The following DCDC1 variants were observed in gnomAD, a reference collection of about 807,000 sequenced individuals.
The protein encoded by DCDC1 is doublecortin domain-containing protein 1.
In DCDC1, 200 loss-of-function variants were observed where a neutral mutation model predicts 178.3. That is an observed-to-expected ratio of 1.12 (90% confidence interval 1.00 to 1.26). DCDC1 has a LOEUF of 1.26. DCDC1 is among the 50% of genes most tolerant of loss of function. DCDC1 has a pLI of 0.00. For missense variants in DCDC1, 1,983 were observed against 1,749.2 expected (o/e 1.13, Z -2.38); for synonymous variants, 690 against 604.8 (o/e 1.14, Z -2.07).
At chr11:31,356,293 C>T (rs937168772) in intron 1 of DCDC1, among the ~76,000 whole-genome samples, 5 of 151,798 alleles carry the variant, frequency 3.3e-5, no homozygotes, top group East Asian at 3.9e-4. Context: ...CACTCAAAAC[C>T]GCTCAACTAC....
intron 9 of DCDC1, among the ~76,000 whole-genome samples, chr11:31,207,007 G>A (rs192788079): frequency 3.9e-5 from 6 of 152,226 alleles, no homozygotes; most frequent in East Asian, 3.9e-4. Context: ...CACTAAAAAT[G>A]TTGCAAATAA....
In DCDC1 at chr11:31,006,562, A is replaced by C. The variant is rs578091830; in HGVS notation, c.2592-53994T>G. On this transcript the variant is annotated intron_variant, in intron 20 of 38. Transcript: ENST00000684477. ...ACTTACTAGCAGTGTATAACTGGAA[A>C]TGTTGCTTAACCGCTCCATTCCTCA... 3.3e-5 allele frequency among the ~76,000 whole-genome samples: 5 copies of C among 152,320 alleles called. No homozygotes were observed. In the East Asian group the frequency reaches 9.7e-4, roughly 29 times the overall value.
intron 9 of DCDC1, among the ~76,000 whole-genome samples, chr11:31,181,834 GA>G (rs1968843149): frequency 6.6e-6 from 1 of 151,850 alleles, no homozygotes; most frequent in East Asian, 1.9e-4. Context: ...AGGAAGCTAA[GA>G]ACATTGAAAA....
chr11:30,988,373 T>A (rs1318008896), intron 20 of DCDC1, among the ~76,000 whole-genome samples: 1 of 151,550 alleles, frequency 6.6e-6, no homozygotes, highest in African/African-American at 2.4e-5. Context: ...ATGGGGCTAG[T>A]GAAGGAAAAA....
In DCDC1 at chr11:30,906,665, G is replaced by T. The variant is rs369824052; in HGVS notation, c.3979C>A (p.Gln1327Lys). 5.6e-6 allele frequency: 9 copies of T among 1,613,518 alleles called. No homozygotes were observed. The African/African-American group carries it at 1.2e-4, about 22-fold the overall frequency. The part of the protein sequence containing the change: ...RKTMLCLACG[Q>K]SMRTEKGLKQ... ...AGTCCTTTCTCTGTTCTCATGGATT[G>T]TCCACAAGCCAAGCAGAGCATAGTT... The change falls in exon 30 of 39, where the codon CAA becomes AAA. Residue 1327 changes from glutamine (Q) to lysine (K), a missense_variant. Coordinates refer to ENST00000684477, the MANE Select transcript of DCDC1 (RefSeq NM_001387274.1).
chr11:31,096,911 A>ATG (rs140701614), intron 15 of DCDC1, among the ~76,000 whole-genome samples: 468 of 150,570 alleles, frequency 3.1e-3, no homozygotes, highest in African/African-American at 5.0e-3. Flanking sequence ...ATATGTATGT[A>ATG]TGTGTGTGTG....
intron 14 of DCDC1, 92 bp from the exon 15 acceptor site, chr11:31,102,374 C>T (rs1403994289): frequency 3.9e-6 from 2 of 519,334 alleles, no homozygotes; most frequent in Non-Finnish European, 7.0e-6. Context: ...ACTCTTTATG[C>T]TTTATGTATA....
chr11:31,215,901 T>G (rs1010799275), intron 9 of DCDC1, among the ~76,000 whole-genome samples: 19 of 152,118 alleles, frequency 1.2e-4, no homozygotes, highest in Non-Finnish European at 2.5e-4. Flanking sequence ...AAAAGAAAAA[T>G]GCAGTTAATG....
intron 8 of DCDC1, among the ~76,000 whole-genome samples, chr11:31,252,522 C>A (rs1460202346): frequency 2.0e-5 from 3 of 151,926 alleles, no homozygotes; most frequent in Non-Finnish European, 4.4e-5. Flanking sequence ...AGGTAACATA[C>A]TGACCTGGAA....
intron 21 of DCDC1, among the ~76,000 whole-genome samples, chr11:30,933,425 T>C (rs933868697): frequency 1.3e-5 from 2 of 152,194 alleles, no homozygotes; most frequent in African/African-American, 4.8e-5. Flanking sequence ...GATTTGCCTA[T>C]ATGACTAAAC....
intron 9 of DCDC1, among the ~76,000 whole-genome samples, chr11:31,153,817 C>CACACAA (rs957007039): frequency 6.7e-6 from 1 of 149,990 alleles, no homozygotes; most frequent in African/African-American, 2.5e-5. Context: ...CACACACACA[C>CACACAA]AATTACCATA....
At chr11:31,167,377 C>A (rs1410419831) in intron 9 of DCDC1, among the ~76,000 whole-genome samples, 1 of 152,150 alleles carries the variant, frequency 6.6e-6, no homozygotes, top group Non-Finnish European at 1.5e-5. Context: ...AATAAAGCAA[C>A]TTTTCATTTG....
intron 6 of DCDC1, 104 bp from the exon 7 acceptor site, chr11:31,290,956 G>A: frequency 9.9e-7 from 1 of 1,012,002 alleles, no homozygotes; most frequent in Non-Finnish European, 1.4e-6. Context: ...ACACTGGCCA[G>A]TCTCCATTTA....
rs1021119309 is a variant in DCDC1, at chr11:30,918,085, C to T, written c.3294-1057G>A. Among the ~76,000 whole-genome samples, 30 of 151,428 alleles carry T rather than the reference C, an allele frequency of 2.0e-4. 1 individual carries two copies. The highest frequency in any genetic ancestry group is 7.1e-4 in the African/African-American group (29 of 41,126). ...GCGCCATCTTGTGTTAAAAATAAAA[C>T]GCACAGCTTTCTCATCAATTCCATT... is the stretch of plus-strand genomic sequence containing the variant. On this transcript the variant is annotated intron_variant, in intron 25 of 38. Coordinates refer to ENST00000684477, the MANE Select transcript of DCDC1 (RefSeq NM_001387274.1).
chr11:30,910,555 G>T (rs1034221214), intron 28 of DCDC1, among the ~76,000 whole-genome samples: 7 of 152,128 alleles, frequency 4.6e-5, no homozygotes, highest in Non-Finnish European at 7.4e-5. Context: ...ATGTTATCTG[G>T]AGGCAATCTA....
intron 36 of DCDC1, among the ~76,000 whole-genome samples, chr11:30,886,971 TA>T (rs1943232375): frequency 6.6e-6 from 1 of 152,148 alleles, no homozygotes; most frequent in African/African-American, 2.4e-5. Flanking sequence ...GAAAAAAATA[TA>T]TAAATAATTT....
intron 20 of DCDC1, among the ~76,000 whole-genome samples, chr11:31,004,050 T>C (rs1324313720): frequency 6.6e-6 from 1 of 152,158 alleles, no homozygotes; most frequent in Non-Finnish European, 1.5e-5. Context: ...AGGTCAGTTT[T>C]TGAAATGCTG....
At chr11:31,168,481 A>T (rs1966861025) in intron 9 of DCDC1, among the ~76,000 whole-genome samples, 1 of 152,226 alleles carries the variant, frequency 6.6e-6, no homozygotes, top group African/African-American at 2.4e-5. Context: ...GCTCTCTGGT[A>T]TATTCCTGCC....
chr11:30,906,622 C>G lies in DCDC1; in HGVS notation c.4022G>C (p.Gly1341Ala), dbSNP rs368018262. Reference sequence around the variant, plus strand: ...GCCTGAAATACAGAGGAATGGAACCCCTGGAAGCAATTGTTTCAGTCCTTT... The same window carrying G: ...GCCTGAAATACAGAGGAATGGAACCGCTGGAAGCAATTGTTTCAGTCCTTT... The part of the protein sequence containing the change: ...TEKGLKQLLP[G>A]VPFLCISGTK... Residue 1341 changes from glycine (G) to alanine (A), a missense_variant, in exon 30 of 39, where the codon GGG becomes GCG. Transcript: ENST00000684477. The G allele has an allele frequency of 1.2e-6, 2 of 1,613,474 alleles. No individual in the cohort carries two copies. The highest frequency in any genetic ancestry group is 1.7e-6 in the Non-Finnish European group (2 of 1,179,700).
Sources: gnomAD v4.1 joint callset for allele counts (sites outside exome capture counted in the v4.1 genomes callset) on GRCh38, gnomAD v4.1.1 for gene constraint, MANE v1.5 for transcripts, NCBI Gene and HGNC (gene_info 2026-07-23, HGNC 2026-07-21) for gene names.